Variants in HIP1 observed in about 807,000 individuals in gnomAD.
The protein encoded by HIP1 is huntingtin-interacting protein 1.
Under a neutral mutation model 147.6 loss-of-function variants are expected in HIP1, and 65 were observed. That is an observed-to-expected ratio of 0.44 (90% CI 0.36 to 0.54). The LOEUF (loss-of-function observed/expected upper bound fraction) is 0.54, where lower values mean the gene tolerates loss of function less well. HIP1 is among the 20% of genes least tolerant of loss of function. HIP1 has a pLI of 0.00. For synonymous variants in HIP1, 479 were observed against 504.0 expected (o/e 0.95, Z 0.67); for missense variants, 1,061 against 1,299.6 (o/e 0.82, Z 2.82).
intron 1 of HIP1, among the ~76,000 whole-genome samples, chr7:75,691,712 C>T (rs1433629558): frequency 6.6e-6 from 1 of 151,736 alleles, no homozygotes; most frequent in Admixed American, 6.6e-5. Flanking sequence ...TGCTTGAACC[C>T]GGGAGAAGGA....
intron 1 of HIP1, among the ~76,000 whole-genome samples, chr7:75,702,958 C>G (rs1349745025): frequency 6.6e-6 from 1 of 152,186 alleles, no homozygotes; most frequent in Non-Finnish European, 1.5e-5. Context: ...ATCTCCAACA[C>G]TGGTGATCAG....
At chr7:75,637,157 T>C (rs1798451553) in intron 1 of HIP1, among the ~76,000 whole-genome samples, 1 of 152,330 alleles carries the variant, frequency 6.6e-6, no homozygotes, top group Middle Eastern at 3.4e-3. Flanking sequence ...TTCACTTTCA[T>C]GCTAAGGGCC....
At chr7:75,572,726 C>G (rs1278127793) in intron 8 of HIP1, among the ~76,000 whole-genome samples, 1 of 152,292 alleles carries the variant, frequency 6.6e-6, no homozygotes, top group East Asian at 1.9e-4. Context: ...TCTTGAGGGT[C>G]CGGAGCAGGC....
chr7:75,542,222 C>T (rs1554490032), intron 28 of HIP1, among the ~76,000 whole-genome samples: 1 of 151,900 alleles, frequency 6.6e-6, no homozygotes, highest in African/African-American at 2.4e-5. Flanking sequence ...ATGGTGAAAC[C>T]CCGTCTTTAC....
chr7:75,636,800 G>A (rs960333037), intron 1 of HIP1, among the ~76,000 whole-genome samples: 1 of 152,182 alleles, frequency 6.6e-6, no homozygotes, highest in Non-Finnish European at 1.5e-5. Context: ...TTCTCCAGAG[G>A]TTTCCCAGTG....
Position 75,610,457 on chromosome 7 carries a change from C to A in HIP1, c.121-11210G>T, listed in dbSNP as rs587616335. Reference sequence around the variant, plus strand: ...GAACTCAGGCTCAAGTGACCCTCCCCCAACAGCCTCCCAAAGTACTGAGAT... The same window carrying A: ...GAACTCAGGCTCAAGTGACCCTCCCACAACAGCCTCCCAAAGTACTGAGAT... On this transcript the variant is annotated intron_variant, in intron 1 of 30. Transcript: ENST00000336926. 2.6e-5 allele frequency among the ~76,000 whole-genome samples: 4 copies of A among 152,060 alleles called. No individual in the cohort carries two copies. In the East Asian group the frequency reaches 7.8e-4, roughly 30 times the overall value.
In HIP1 at chr7:75,613,515, G is replaced by A. The variant is rs587736621; in HGVS notation, c.121-14268C>T. 3.3e-5 allele frequency among the ~76,000 whole-genome samples: 5 copies of A among 152,194 alleles called. No homozygotes were observed. In the South Asian group the frequency reaches 6.2e-4, roughly 19 times the overall value. On this transcript the variant is annotated intron_variant, in intron 1 of 30. Transcript: ENST00000336926. ...CACTTGGGCCTCTTCCTCCTCCCAG[G>A]CACTGCACTGGTAATTTACTTCTCA... is the stretch of plus-strand genomic sequence containing the variant.
chr7:75,666,618 G>C (rs1799566828), intron 1 of HIP1, among the ~76,000 whole-genome samples: 1 of 152,210 alleles, frequency 6.6e-6, no homozygotes, highest in South Asian at 2.1e-4. Context: ...TGGGCATGGT[G>C]GACCCAAGGT....
chr7:75,595,986 G>A (rs1796727259), intron 2 of HIP1, among the ~76,000 whole-genome samples: 1 of 152,078 alleles, frequency 6.6e-6, no homozygotes, highest in Non-Finnish European at 1.5e-5. Flanking sequence ...GCCTGTAATT[G>A]CAGCACTTTG....
At chr7:75,638,710 C>T (rs1798528578) in intron 1 of HIP1, among the ~76,000 whole-genome samples, 1 of 152,164 alleles carries the variant, frequency 6.6e-6, no homozygotes, top group Non-Finnish European at 1.5e-5. Flanking sequence ...CCGGAGGGCA[C>T]GGTACAAGCC....
At chr7:75,734,077 T>A (rs537423132) in intron 1 of HIP1, among the ~76,000 whole-genome samples, 4 of 151,844 alleles carry the variant, frequency 2.6e-5, no homozygotes, top group Admixed American at 2.6e-4. Flanking sequence ...AGACCCTGTC[T>A]CTACTAAAAA....
chr7:75,733,417 T>A (rs979658806), intron 1 of HIP1: 11 of 147,960 alleles, frequency 7.4e-5, no homozygotes, highest in Non-Finnish European at 2.9e-5. Context: ...TTCTTTTCCT[T>A]TCTTTTCTTT....
chr7:75,574,386 C>T (rs1256451009), intron 7 of HIP1, among the ~76,000 whole-genome samples: 4 of 149,798 alleles, frequency 2.7e-5, no homozygotes, highest in Non-Finnish European at 4.4e-5. Context: ...GTCAGGAGTT[C>T]GAGACCAGCC....
At chr7:75,590,273 A>G (rs1356733163) in intron 4 of HIP1, among the ~76,000 whole-genome samples, 5 of 152,222 alleles carry the variant, frequency 3.3e-5, no homozygotes, top group Admixed American at 3.3e-4. Context: ...ATGGAACTAA[A>G]ATATTCTAAA....
chr7:75,686,064 T>G lies in HIP1; in HGVS notation c.120+52737A>C, dbSNP rs1800251283. 2.0e-5 allele frequency among the ~76,000 whole-genome samples: 3 copies of G among 151,684 alleles called. No homozygotes were observed. The South Asian group carries it at 6.2e-4, about 32-fold the overall frequency. The stretch of plus-strand genomic sequence containing the variant: ...GTGTGTGCCACCACACCTGGCTAAT[T>G]TTTGTATTTTTAGTAGAGAGAGTGT... On this transcript the variant is annotated intron_variant, in intron 1 of 30. Transcript: ENST00000336926.
At chr7:75,600,917 T>G (rs782006008) in intron 1 of HIP1, among the ~76,000 whole-genome samples, 1 of 151,950 alleles carries the variant, frequency 6.6e-6, no homozygotes, top group Non-Finnish European at 1.5e-5. Flanking sequence ...AATGACACCA[T>G]GCTCAGTTAT....
chr7:75,541,855 A>G (rs1431224279), intron 29 of HIP1, 64 bp downstream of exon 29: 4 of 1,192,924 alleles, frequency 3.4e-6, no homozygotes, highest in Middle Eastern at 1.9e-4. Flanking sequence ...TCTCCATGGG[A>G]ATAATATTCA....
intron 8 of HIP1, among the ~76,000 whole-genome samples, chr7:75,572,929 C>T (rs1795698772): frequency 2.0e-5 from 3 of 152,218 alleles, no homozygotes; most frequent in Admixed American, 2.0e-4. Flanking sequence ...CCTGTTCCCG[C>T]TGCCTGGCTT....
At chr7:75,561,773 A>G (rs1200151760) in intron 12 of HIP1, among the ~76,000 whole-genome samples, 1 of 151,932 alleles carries the variant, frequency 6.6e-6, no homozygotes, top group Non-Finnish European at 1.5e-5. Context: ...CTCCTGAGTT[A>G]CTGGGACTAC....
Sources: gnomAD v4.1 joint callset for allele counts (sites outside exome capture counted in the v4.1 genomes callset) on GRCh38, gnomAD v4.1.1 for gene constraint, MANE v1.5 for transcripts, NCBI Gene and HGNC (gene_info 2026-07-23, HGNC 2026-07-21) for gene names.